Variants in PTPRG observed in about 807,000 individuals in gnomAD.
The protein encoded by PTPRG is protein tyrosine phosphatase receptor type G.
Under a neutral mutation model 165.3 loss-of-function variants are expected in PTPRG, and 102 were observed. The ratio of observed to expected loss-of-function variants is 0.62; its 90% CI spans 0.53 to 0.73. The LOEUF is 0.73. PTPRG is among the 30% of genes least tolerant of loss of function. The probability of loss-of-function intolerance (pLI) is 0.00; values close to 1 mark genes in which losing one functional copy is unlikely to be tolerated. For synonymous variants in PTPRG, 675 were observed against 669.5 expected, an observed-to-expected ratio of 1.01 and a Z score of -0.13; for missense variants, 1,866 against 1,861.4, an observed-to-expected ratio of 1.00 and a Z score of -0.05.
intron 1 of PTPRG, among the ~76,000 whole-genome samples, chr3:61,661,708 AGAG>A (rs1285049046): frequency 6.6e-6 from 1 of 152,104 alleles, no homozygotes; most frequent in Non-Finnish European, 1.5e-5. Flanking sequence ...TAGTGAGTAA[AGAG>A]GAGATATCAA....
At chr3:61,780,424 T>C (rs2034512563) in intron 2 of PTPRG, among the ~76,000 whole-genome samples, 1 of 152,232 alleles carries the variant, frequency 6.6e-6, no homozygotes, top group Admixed American at 6.5e-5. Context: ...TGGATTTGTC[T>C]CTGATTTGGG....
chr3:62,284,753 CAG>C (rs1204225699), intron 28 of PTPRG, among the ~76,000 whole-genome samples: 1 of 152,094 alleles, frequency 6.6e-6, no homozygotes, highest in Non-Finnish European at 1.5e-5. Context: ...AGAAACATAT[CAG>C]AGTTATTTTT....
At chr3:62,272,784 C>T (rs1042664735) in intron 21 of PTPRG, among the ~76,000 whole-genome samples, 162 bp from the exon 22 acceptor site, 1 of 152,136 alleles carries the variant, frequency 6.6e-6, no homozygotes, top group Non-Finnish European at 1.5e-5. Flanking sequence ...TTGCAGTGAA[C>T]CGAGATTGCG....
At chr3:62,153,332 C>CA (rs1704405920) in intron 6 of PTPRG, among the ~76,000 whole-genome samples, 2 of 152,180 alleles carry the variant, frequency 1.3e-5, no homozygotes, top group South Asian at 4.1e-4. Flanking sequence ...GCTTAATTGT[C>CA]ACAGCAACCC....
chr3:62,121,076 C>T (rs1488609176), intron 5 of PTPRG, among the ~76,000 whole-genome samples: 2 of 150,520 alleles, frequency 1.3e-5, no homozygotes, highest in Non-Finnish European at 3.0e-5. Flanking sequence ...TCCCGAGTAG[C>T]TGGGACTACA....
At chr3:61,716,957 G>T (rs1444836321) in intron 1 of PTPRG, among the ~76,000 whole-genome samples, 1 of 152,170 alleles carries the variant, frequency 6.6e-6, no homozygotes, top group East Asian at 1.9e-4. Flanking sequence ...GGGCAACACA[G>T]TGAGACTCCA....
chr3:61,952,118 G>GA lies in PTPRG; in HGVS notation c.191-37484dup, dbSNP rs35655816. 4.4e-3 allele frequency among the ~76,000 whole-genome samples: 351 copies of GA among 79,646 alleles called. 7 individuals are homozygous for GA. The East Asian group carries it at 0.049, about 11-fold the overall frequency. 52.3% of individuals were successfully genotyped at this position (79,646 alleles called of 152,430 possible). ...GGCGACAGATCGACACTCCACCTCA[G>GA]AAAAAAAAAAAAAAAAAAAAAAAGA... On this transcript the variant is annotated intron_variant, in intron 2 of 29. Coordinates refer to ENST00000474889, the MANE Select transcript of PTPRG (RefSeq NM_002841.4).
chr3:61,963,177 G>A (rs2040193110), intron 2 of PTPRG, among the ~76,000 whole-genome samples: 1 of 152,096 alleles, frequency 6.6e-6, no homozygotes, highest in Non-Finnish European at 1.5e-5. Context: ...TAAAGTAGGA[G>A]TTCTTAACCA....
At chr3:61,925,946 A>T (rs752962914) in intron 2 of PTPRG, 1 of 480,940 alleles carries the variant, frequency 2.1e-6, no homozygotes, top group South Asian at 1.5e-5. Flanking sequence ...GCTCCTGGCT[A>T]TTCCTAGCCT....
intron 2 of PTPRG, chr3:61,771,189 A>G (rs2034197017): frequency 6.6e-6 from 1 of 152,202 alleles, no homozygotes; most frequent in Non-Finnish European, 1.5e-5. Context: ...AATAAGATGC[A>G]TTCTAATGGA....
intron 2 of PTPRG, among the ~76,000 whole-genome samples, chr3:61,956,095 T>C (rs903264148): frequency 6.6e-6 from 1 of 151,580 alleles, no homozygotes; most frequent in Non-Finnish European, 1.5e-5. Context: ...AAAAATTATA[T>C]ATATATATAT....
intron 1 of PTPRG, among the ~76,000 whole-genome samples, chr3:61,669,940 G>C: frequency 6.6e-6 from 1 of 152,154 alleles, no homozygotes; most frequent in East Asian, 1.9e-4. Flanking sequence ...AGGTAGCTTG[G>C]TAGGGTGGTT....
chr3:61,742,705 G>C, intron 1 of PTPRG: 2 of 1,607,218 alleles, frequency 1.2e-6, no homozygotes, highest in Admixed American at 3.3e-5. Context: ...GAGCAGGGAA[G>C]GGAACTTTCC....
intron 2 of PTPRG, among the ~76,000 whole-genome samples, chr3:61,788,896 C>T (rs1032554629): frequency 9.9e-5 from 15 of 152,168 alleles, no homozygotes; most frequent in Admixed American, 6.5e-4. Context: ...ATGAAGGCTC[C>T]TCTTGCCAAG....
chr3:61,693,744 G>T (rs1364294093), intron 1 of PTPRG, among the ~76,000 whole-genome samples: 5 of 152,060 alleles, frequency 3.3e-5, no homozygotes, highest in Admixed American at 3.3e-4. Flanking sequence ...AGCGGCTCAC[G>T]CCTATAATTG....
At chr3:62,206,721 C>G (rs1700238310) in intron 12 of PTPRG, among the ~76,000 whole-genome samples, 1 of 151,878 alleles carries the variant, frequency 6.6e-6, no homozygotes, top group Non-Finnish European at 1.5e-5. Flanking sequence ...TCGCTTAAAT[C>G]CAGAAGTTCA....
rs192164370 is a variant in PTPRG, at chr3:61,563,177, G to A, written c.85+805G>A. Among the ~76,000 whole-genome samples, 1,467 of 150,470 alleles carry A rather than the reference G, an allele frequency of 9.7e-3. 27 individuals are homozygous for A. Among genetic ancestry groups the A allele is most frequent in the African/African-American group, 0.034 (1,382 of 41,086 alleles). On this transcript the variant is annotated intron_variant, in intron 1 of 29. Transcript: ENST00000474889. ...GCGGCCGGGGCGGTTTCGGCGGCCG[G>A]GTTGCTGTTCGCGCCGGGGCTGATT...
At chr3:62,169,719 A>G (rs1315979219) in intron 8 of PTPRG, among the ~76,000 whole-genome samples, 1 of 152,190 alleles carries the variant, frequency 6.6e-6, no homozygotes, top group African/African-American at 2.4e-5. Flanking sequence ...TCCTTCTTCA[A>G]AATTATGAGC....
chr3:61,638,917 A>C (rs1701991973), intron 1 of PTPRG, among the ~76,000 whole-genome samples: 1 of 152,008 alleles, frequency 6.6e-6, no homozygotes, highest in Non-Finnish European at 1.5e-5. Context: ...CTTTAGTTTA[A>C]TTAGGTCCAG....
Sources: gnomAD v4.1 joint callset for allele counts (sites outside exome capture counted in the v4.1 genomes callset) on GRCh38, gnomAD v4.1.1 for gene constraint, MANE v1.5 for transcripts, NCBI Gene and HGNC (gene_info 2026-07-23, HGNC 2026-07-21) for gene names.